The following PUDP variants were observed in gnomAD, a reference collection of about 807,000 sequenced individuals.
PUDP encodes pseudouridine 5'-phosphatase, also known as pseudouridine-5'-phosphatase.
In PUDP, 8 loss-of-function variants were observed where a neutral mutation model predicts 9.4. That is an observed-to-expected ratio of 0.85 (90% CI 0.50 to 1.53). The LOEUF is 1.53. PUDP is among the 40% of genes most tolerant of loss of function. The probability of loss-of-function intolerance (pLI) is 0.00; values close to 1 mark genes in which losing one functional copy is unlikely to be tolerated. For missense variants in PUDP, 188 were observed against 189.7 expected (o/e 0.99, Z 0.05); for synonymous variants, 99 against 80.7 (o/e 1.23, Z -1.22).
chrX:6,874,957 A>T (rs1216165709), intron 3 of PUDP, among the ~76,000 whole-genome samples: 1 of 112,559 alleles, frequency 8.9e-6, no homozygotes, highest in Non-Finnish European at 1.9e-5. Flanking sequence ...TAAGAAATGT[A>T]TGTGGTTTTA....
At chrX:6,939,860 AAAG>A (rs2146775979) in intron 3 of PUDP, among the ~76,000 whole-genome samples, 1 of 111,275 alleles carries the variant, frequency 9.0e-6, no homozygotes, top group African/African-American at 3.2e-5. Context: ...AAAAAAAAGA[AAAG>A]AAAAGAAAAA....
chrX:7,068,607 A>T (rs759210821), intron 3 of PUDP, among the ~76,000 whole-genome samples: 28 of 112,252 alleles, frequency 2.5e-4, no homozygotes, highest in Middle Eastern at 4.6e-3. Context: ...GTGGATGGAT[A>T]AAGGAGGTTG....
At position 6,972,960 on chromosome X, in the gene PUDP, A is replaced by G. The variant is rs191091805; in HGVS notation, c.*247+4173T>C. Among the ~76,000 whole-genome samples, 450 of 111,921 alleles carry G rather than the reference A, an allele frequency of 4.0e-3. 3 individuals are homozygous for G. Among genetic ancestry groups the G allele is most frequent in the African/African-American group, 0.014 (433 of 30,767 alleles). On this transcript the variant is annotated intron_variant and NMD_transcript_variant, in intron 3 of 3. Transcript: ENST00000655425. ...GGAGGGTGTATGTGTCCAGGAATTT[A>G]TCCATTTCTTCTAGATTTTCTAGAT...
intron 3 of PUDP, among the ~76,000 whole-genome samples, chrX:6,819,357 T>G (rs1301663348): frequency 8.9e-6 from 1 of 112,329 alleles, no homozygotes; most frequent in African/African-American, 3.2e-5. Context: ...CCCTCTATCC[T>G]GAATTTTAGA....
chrX:6,814,829 C>T (rs890990976), intron 3 of PUDP, among the ~76,000 whole-genome samples: 2 of 111,459 alleles, frequency 1.8e-5, no homozygotes, highest in Non-Finnish European at 1.9e-5. Flanking sequence ...ACCAAAAATG[C>T]CCTTAAAATA....
chrX:6,889,874 C>A (rs1051600929), intron 3 of PUDP, among the ~76,000 whole-genome samples: 2 of 111,104 alleles, frequency 1.8e-5, no homozygotes, highest in Non-Finnish European at 1.9e-5. Flanking sequence ...GTCATCCTCA[C>A]GGGCTGTGAG....
chrX:7,118,426 T>C (rs1396264335), intron 1 of PUDP, among the ~76,000 whole-genome samples: 1 of 112,273 alleles, frequency 8.9e-6, no homozygotes, highest in Non-Finnish European at 1.9e-5. Flanking sequence ...AATAAATACC[T>C]GTCTATAAAC....
At chrX:6,822,212 T>C (rs771700551) in intron 3 of PUDP, among the ~76,000 whole-genome samples, 168 of 111,793 alleles carry the variant, frequency 1.5e-3, no homozygotes, top group Admixed American at 5.8e-3. Flanking sequence ...CAGACAACAA[T>C]GCCACTTCAC....
At chrX:7,041,347 G>A (rs1929919347) in intron 1 of PUDP, among the ~76,000 whole-genome samples, 1 of 111,668 alleles carries the variant, frequency 9.0e-6, no homozygotes, top group African/African-American at 3.3e-5. Context: ...TGACCCAGGA[G>A]CTCTGGAATT....
intron 3 of PUDP, among the ~76,000 whole-genome samples, chrX:7,060,311 GT>G (rs1930364263): frequency 8.9e-6 from 1 of 112,429 alleles, no homozygotes. Flanking sequence ...ATGTGTTGCA[GT>G]ACCAGGTGAG....
chrX:7,124,060 T>C (rs1259620212), intron 1 of PUDP, among the ~76,000 whole-genome samples: 3 of 112,243 alleles, frequency 2.7e-5, no homozygotes, highest in Non-Finnish European at 3.8e-5. Flanking sequence ...TTGACAGACA[T>C]CTATACAAAA....
intron 2 of PUDP, among the ~76,000 whole-genome samples, chrX:7,099,567 A>G (rs1352133039): frequency 8.9e-6 from 1 of 112,229 alleles, no homozygotes; most frequent in East Asian, 2.8e-4. Flanking sequence ...ACCTTTTCAT[A>G]GAGAGGGCCT....
rs1368988584 is a variant in PUDP, at chrX:7,148,106, G to A, written c.8C>T (p.Ala3Val). 1 of 1,130,776 alleles carries A rather than the reference G, an allele frequency of 8.8e-7. No individual in the cohort carries two copies. Among genetic ancestry groups the A allele is most frequent in the Non-Finnish European group, 1.2e-6 (1 of 852,992 alleles). 93.2% of individuals were successfully genotyped at this position (1,130,776 alleles called of 1,213,427 possible). A position where few individuals can be genotyped will look rare whatever the true frequency, so the allele number is the denominator to read the frequency against. ...GAGGTGGGTGACGGGCTGCGGGGGC[G>A]CCGCCATGGTGGCGCCTTCTGGGTC... MA[A>V]PPQPVTHLIF... Residue 3 changes from alanine (A) to valine (V), a missense_variant, in exon 1 of 4, where the codon GCG becomes GTG. By Grantham distance (64) the Ala-to-Val change is moderately conservative (BLOSUM62 0). Transcript: ENST00000381077.
At chrX:6,869,833 T>TA (rs1289591883) in intron 3 of PUDP, among the ~76,000 whole-genome samples, 2 of 111,338 alleles carry the variant, frequency 1.8e-5, no homozygotes, top group African/African-American at 6.5e-5. Context: ...GTGCGGCTCT[T>TA]ATGAAAAACA....
chrX:7,036,584 C>A (rs1929855696), intron 1 of PUDP, among the ~76,000 whole-genome samples: 1 of 104,470 alleles, frequency 9.6e-6, no homozygotes, highest in Non-Finnish European at 2.0e-5. Flanking sequence ...ACTTTTTGTT[C>A]TTTTCCATCT....
chrX:6,740,806 C>T (rs765023834), intron 3 of PUDP, among the ~76,000 whole-genome samples: 3 of 111,712 alleles, frequency 2.7e-5, no homozygotes, highest in South Asian at 3.7e-4. Flanking sequence ...ATCTTATCAA[C>T]GAGTTCTAAT....
intron 3 of PUDP, among the ~76,000 whole-genome samples, chrX:6,786,338 C>T (rs773880381): frequency 9.0e-6 from 1 of 111,449 alleles, no homozygotes; most frequent in South Asian, 3.8e-4. Context: ...ATCATGAGTC[C>T]CACATGAAGA....
intron 1 of PUDP, among the ~76,000 whole-genome samples, chrX:7,013,581 A>G (rs1469613568): frequency 1.8e-5 from 2 of 112,020 alleles, no homozygotes; most frequent in South Asian, 7.5e-4. Context: ...TGTAAGCTCT[A>G]ATCTATACTC....
chrX:6,922,907 T>A (rs758419541), intron 3 of PUDP, among the ~76,000 whole-genome samples: 8 of 112,185 alleles, frequency 7.1e-5, no homozygotes, highest in Non-Finnish European at 1.9e-5. Flanking sequence ...TCCAGCTACA[T>A]CACATGCTTC....
Sources: gnomAD v4.1 joint callset for allele counts (sites outside exome capture counted in the v4.1 genomes callset) on GRCh38, gnomAD v4.1.1 for gene constraint, MANE v1.5 for transcripts, NCBI Gene and HGNC (gene_info 2026-07-23, HGNC 2026-07-21) for gene names.